The following LMO7 variants were observed in gnomAD, a reference collection of about 807,000 sequenced individuals.
The protein encoded by LMO7 is LIM domain 7, also known as LIM domain only protein 7.
LMO7 carries 120 observed loss-of-function variants against 206.5 expected under a neutral mutation model. The ratio of observed to expected loss-of-function variants is 0.58; its 90% confidence interval spans 0.50 to 0.68. LMO7 has a LOEUF of 0.68. LMO7 is among the 30% of genes least tolerant of loss of function. The pLI, the probability that LMO7 is intolerant of heterozygous loss-of-function variation, is 0.00. For missense variants in LMO7, 1,959 were observed against 1,957.9 expected (o/e 1.00, Z -0.01); for synonymous variants, 706 against 681.5 (o/e 1.04, Z -0.56).
At chr13:75,643,536 C>A (rs2036749228) in intron 1 of LMO7, among the ~76,000 whole-genome samples, 1 of 152,126 alleles carries the variant, frequency 6.6e-6, no homozygotes, top group Non-Finnish European at 1.5e-5. Context: ...GTTTCCAGAT[C>A]TCCTTAAGCC....
chr13:75,797,884 A>G (rs1219234381), intron 6 of LMO7, among the ~76,000 whole-genome samples: 2 of 152,226 alleles, frequency 1.3e-5, no homozygotes, highest in African/African-American at 2.4e-5. Flanking sequence ...ATGCATACAC[A>G]TAGTACTAAG....
intron 1 of LMO7, among the ~76,000 whole-genome samples, chr13:75,674,921 C>G (rs2139422966): frequency 6.6e-6 from 1 of 152,232 alleles, no homozygotes; most frequent in East Asian, 1.9e-4. Flanking sequence ...CAAGTGATAT[C>G]TTGTTGAAAT....
chr13:75,831,541 A>T (rs1490788034), intron 15 of LMO7, among the ~76,000 whole-genome samples: 1 of 152,204 alleles, frequency 6.6e-6, no homozygotes, highest in African/African-American at 2.4e-5. Flanking sequence ...TATTTGGCTC[A>T]TGGTTCTGGT....
chr13:75,786,359 C>G (rs552740549), intron 4 of LMO7, among the ~76,000 whole-genome samples: 1 of 151,810 alleles, frequency 6.6e-6, no homozygotes, highest in Non-Finnish European at 1.5e-5. Context: ...GACCACTTCT[C>G]TCTCTACTTA....
At chr13:75,792,692 A>G (rs1459429098) in intron 4 of LMO7, among the ~76,000 whole-genome samples, 1 of 152,210 alleles carries the variant, frequency 6.6e-6, no homozygotes, top group Non-Finnish European at 1.5e-5. Context: ...ACTTCCATGC[A>G]GTGGAATGCA....
At chr13:75,724,247 C>T (rs1169678679) in intron 2 of LMO7, among the ~76,000 whole-genome samples, 6 of 152,122 alleles carry the variant, frequency 3.9e-5, no homozygotes, top group Admixed American at 3.9e-4. Flanking sequence ...TAGGTGCTTC[C>T]TTCTGGTTTT....
Position 75,834,294 on chromosome 13 carries a change from T to A in LMO7, c.3133T>A (p.Ser1045Thr), listed in dbSNP as rs1313007342. The change falls in exon 17 of 31, where the codon TCA (serine) becomes ACA (threonine). Residue 1045 changes from serine to threonine, a missense_variant. By Grantham distance (58) the Ser-to-Thr change is moderately conservative. Coordinates refer to ENST00000377534, the MANE Select transcript of LMO7 (RefSeq NM_001306080.2). ...EIIAINNTKF[S>T]YNDSKEWEEA... ...TATTGCTATTAACAACACCAAGTTT[T>A]CATATAACGATTCAAAAGAGTGGGA... The A allele has an allele frequency of 6.2e-7, 1 of 1,611,606 alleles. No individual in the cohort carries two copies. The highest frequency in any genetic ancestry group is 1.3e-5 in the African/African-American group (1 of 74,784).
chr13:75,849,500 C>CTTTT (rs68011303), intron 27 of LMO7, among the ~76,000 whole-genome samples: 16 of 136,388 alleles, frequency 1.2e-4, no homozygotes, highest in Non-Finnish European at 1.9e-4. Flanking sequence ...TTTTTTTTTT[C>CTTTT]TTTTTTTTTT....
intron 3 of LMO7, among the ~76,000 whole-genome samples, chr13:75,734,374 T>C (rs2045590877): frequency 6.6e-6 from 1 of 152,188 alleles, no homozygotes; most frequent in African/African-American, 2.4e-5. Flanking sequence ...GATAGGAGTC[T>C]GTTAAGTCAA....
At chr13:75,707,977 T>C (rs1278357834) in intron 1 of LMO7, among the ~76,000 whole-genome samples, 1 of 152,138 alleles carries the variant, frequency 6.6e-6, no homozygotes, top group Admixed American at 6.5e-5. Flanking sequence ...ATATTCCATT[T>C]TGCCCACTTT....
chr13:75,807,178 G>A lies in LMO7; in HGVS notation c.1197-302G>A, dbSNP rs887595109. 5 of 292,568 alleles carry A rather than the reference G, an allele frequency of 1.7e-5. No homozygotes were observed. The South Asian group carries it at 2.6e-4, about 15-fold the overall frequency. 18.1% of individuals were successfully genotyped at this position (292,568 alleles called of 1,614,324 possible). A position where few individuals can be genotyped will look rare whatever the true frequency, so the allele number is the denominator to read the frequency against. ...GGGTACCAGGGAGTGGCTTTTGTGTGTGCCTGGGAGGGGTACCTAGTCCAT... is the reference window on the plus strand; with the variant it reads ...GGGTACCAGGGAGTGGCTTTTGTGTATGCCTGGGAGGGGTACCTAGTCCAT... On this transcript the variant is annotated intron_variant, in intron 9 of 30. Coordinates refer to ENST00000377534, the MANE Select transcript of LMO7 (RefSeq NM_001306080.2).
At chr13:75,633,453 C>A (rs1370885869), upstream of LMO7, among the ~76,000 whole-genome samples, 2 of 152,150 alleles carry the variant, frequency 1.3e-5, no homozygotes, top group African/African-American at 4.8e-5. Context: ...GGGTGGTGAA[C>A]TGTTTACTCA....
intron 1 of LMO7, among the ~76,000 whole-genome samples, chr13:75,687,220 A>G (rs2041089585): frequency 6.6e-6 from 1 of 152,198 alleles, no homozygotes; most frequent in Non-Finnish European, 1.5e-5. Flanking sequence ...TGAGGAGTCT[A>G]AAACTTGACT....
At chr13:75,635,454 C>G (rs2035661560), upstream of LMO7, among the ~76,000 whole-genome samples, 1 of 152,190 alleles carries the variant, frequency 6.6e-6, no homozygotes, top group Non-Finnish European at 1.5e-5. Flanking sequence ...CCCCCCGGCC[C>G]TGCACACCTA....
intron 6 of LMO7, among the ~76,000 whole-genome samples, chr13:75,799,339 G>A (rs897466806): frequency 6.6e-6 from 1 of 152,110 alleles, no homozygotes; most frequent in Non-Finnish European, 1.5e-5. Flanking sequence ...GATATGCACC[G>A]TCTGGTTCAA....
intron 6 of LMO7, among the ~76,000 whole-genome samples, chr13:75,799,686 G>T (rs1213949289): frequency 6.6e-6 from 1 of 152,056 alleles, no homozygotes; most frequent in African/African-American, 2.4e-5. Flanking sequence ...AATTGTCTCT[G>T]TATTAGTAAG....
At chr13:75,766,522 A>G (rs1302174129) in intron 4 of LMO7, among the ~76,000 whole-genome samples, 1 of 152,134 alleles carries the variant, frequency 6.6e-6, no homozygotes, top group Admixed American at 6.6e-5. Context: ...ACACAGACAT[A>G]GATAAGATGG....
intron 1 of LMO7, among the ~76,000 whole-genome samples, chr13:75,641,719 A>C (rs2036550528): frequency 6.6e-6 from 1 of 151,974 alleles, no homozygotes; most frequent in African/African-American, 2.4e-5. Context: ...CAGTGCTGTG[A>C]TCTTGGCTCA....
chr13:75,802,647 C>G (rs886747035), intron 7 of LMO7, among the ~76,000 whole-genome samples: 4 of 152,158 alleles, frequency 2.6e-5, no homozygotes, highest in Non-Finnish European at 5.9e-5. Flanking sequence ...AGGCCACTGT[C>G]ACATCCCTTT....
Sources: gnomAD v4.1 joint callset for allele counts (sites outside exome capture counted in the v4.1 genomes callset) on GRCh38, gnomAD v4.1.1 for gene constraint, MANE v1.5 for transcripts, NCBI Gene and HGNC (gene_info 2026-07-23, HGNC 2026-07-21) for gene names.